ANAPC2: variants seen among roughly 807,000 people sequenced by gnomAD.
ANAPC2 encodes anaphase-promoting complex subunit 2.
In ANAPC2, 29 loss-of-function variants were observed where a neutral mutation model predicts 84.3. That is an observed-to-expected ratio of 0.34 (90% CI 0.26 to 0.47). ANAPC2 has a LOEUF of 0.47. Ranked by LOEUF, ANAPC2 falls within the 20% of genes least tolerant of loss-of-function variation. The probability of loss-of-function intolerance (pLI) is 1.00; values close to 1 mark genes in which losing one functional copy is unlikely to be tolerated. For missense variants in ANAPC2, 857 were observed against 1,131.7 expected (o/e 0.76, Z 3.48); for synonymous variants, 571 against 479.4 (o/e 1.19, Z -2.50).
chr9:137,183,344 C>T (rs1834383505), intron 5 of ANAPC2, 102 bp from the exon 6 acceptor site: 2 of 993,404 alleles, frequency 2.0e-6, no homozygotes, highest in East Asian at 2.4e-5. Flanking sequence ...AGGTGGTCTA[C>T]AGGTCCCCAC....
intron 10 of ANAPC2, among the ~76,000 whole-genome samples, chr9:137,178,109 G>A (rs916428444): frequency 7.2e-5 from 11 of 152,232 alleles, no homozygotes; most frequent in Non-Finnish European, 1.2e-4. Flanking sequence ...TCCAGGATCC[G>A]GCAGCTTCTA....
rs1216704691 is a variant in ANAPC2, at chr9:137,183,720, G to A, written c.1120C>T (p.Leu374=). Residue 374 remains leucine (L), a synonymous_variant, in exon 5 of 13, where the codon CTG becomes TTG. Transcript: ENST00000323927. ...CLERTDQRQQ[L]LVSLKAALET... is the part of the protein sequence containing the mutation. ...AGGGCAGCCTTGAGGGACACGAGCAGCTGCTGCCTCTGGTCCGTCCTCTCC... is the reference window on the plus strand; with the variant it reads ...AGGGCAGCCTTGAGGGACACGAGCAACTGCTGCCTCTGGTCCGTCCTCTCC... The A allele has an allele frequency of 4.3e-6, 7 of 1,612,888 alleles. No homozygotes were observed. Among genetic ancestry groups the A allele is most frequent in the Non-Finnish European group, 5.9e-6 (7 of 1,179,920 alleles).
At chr9:137,176,137 A>G (rs972881431) in intron 10 of ANAPC2, 2 of 291,518 alleles carry the variant, frequency 6.9e-6, no homozygotes, top group Non-Finnish European at 1.3e-5. Flanking sequence ...GATGTAACTG[A>G]GGTGCATCCT....
Position 137,187,843 on chromosome 9 carries a change from C to G in ANAPC2, c.378G>C (p.Leu126=), listed in dbSNP as rs1190309276. ...GLLESRLDPY[L]RSLELLEKWT... ...ATTTCTCCAGCAGCTCTAGGCTACG[C>G]AGGTAGGGATCCAGGCGGCTCTCCA... The change falls in exon 2 of 13, where the codon CTG becomes CTC. Residue 126 remains leucine (L), a synonymous_variant. Coordinates refer to ENST00000323927, the MANE Select transcript of ANAPC2 (RefSeq NM_013366.4). The G allele has an allele frequency of 2.5e-6, 4 of 1,613,498 alleles. No homozygotes were observed. Among genetic ancestry groups the G allele is most frequent in the Non-Finnish European group, 2.5e-6 (3 of 1,180,056 alleles).
rs753734414 is a variant in ANAPC2 at position 137,183,809 on chromosome 9, T to A, written c.1049-18A>T. On this transcript the variant is annotated intron_variant, in intron 4 of 12. Transcript: ENST00000323927. ...TGGGAAGTCTACAAGAAGAAGAACA[T>A]CCCTCAGGGACAGACATGGATGCGT... The A allele has an allele frequency of 3.3e-5, 53 of 1,612,152 alleles. No individual in the cohort carries two copies. The highest frequency in any genetic ancestry group is 2.5e-5 in the Non-Finnish European group (29 of 1,179,344).
chr9:137,184,732 G>C (rs531530369), intron 4 of ANAPC2, among the ~76,000 whole-genome samples, 181 bp downstream of exon 4: 10 of 147,304 alleles, frequency 6.8e-5, no homozygotes, highest in African/African-American at 1.0e-4. Context: ...CGCAGACACA[G>C]GGAGCCCAGA....
At chr9:137,183,353 A>C in intron 5 of ANAPC2, 111 bp from the exon 6 acceptor site, 4 of 936,108 alleles carry the variant, frequency 4.3e-6, no homozygotes, top group Non-Finnish European at 6.8e-6. Flanking sequence ...ACAGGTCCCC[A>C]CTGCAGCCTC....
intron 6 of ANAPC2, among the ~76,000 whole-genome samples, chr9:137,182,305 G>A (rs1834360993): frequency 6.6e-6 from 1 of 152,208 alleles, no homozygotes; most frequent in Non-Finnish European, 1.5e-5. Flanking sequence ...GAGGTCAGGA[G>A]ATCAAGACTA....
chr9:137,187,168 G>T, intron 2 of ANAPC2: 1 of 365,560 alleles, frequency 2.7e-6, no homozygotes, highest in Admixed American at 4.2e-5. Flanking sequence ...TCCTCCCCAG[G>T]ATCGACAAAA....
intron 10 of ANAPC2, chr9:137,176,118 G>T (rs1834205141): frequency 2.7e-6 from 1 of 369,880 alleles, no homozygotes; most frequent in East Asian, 5.4e-5. Context: ...TGCAAACAGG[G>T]TTGATGCAGA....
intron 10 of ANAPC2, among the ~76,000 whole-genome samples, chr9:137,177,527 T>C (rs1409444743): frequency 6.6e-6 from 1 of 152,206 alleles, no homozygotes; most frequent in East Asian, 1.9e-4. Flanking sequence ...AAGATGCATT[T>C]ACAGGCTGAG....
chr9:137,188,447 G>A lies in ANAPC2; in HGVS notation c.86C>T (p.Thr29Ile). The A allele has an allele frequency of 6.2e-7, 1 of 1,609,774 alleles. No homozygotes were observed. Among genetic ancestry groups the A allele is most frequent in the Non-Finnish European group, 8.5e-7 (1 of 1,179,498 alleles). ...CAGCGCAGCCGGCGGCACCAGGCCG[G>A]TGCTCACGGTGTTCCAGGCCACTAA... Reference protein sequence around the residue: ...ELLVAWNTVSTGLVPPAALGL... With the variant: ...ELLVAWNTVSIGLVPPAALGL... Residue 29 changes from threonine to isoleucine, a missense_variant, in exon 1 of 13, where the codon ACC (threonine) becomes ATC (isoleucine). Around this residue, in one of 3 missense-constraint regions of ANAPC2, gnomAD observed 428 missense variants for 513.8 expected, o/e 0.83. Transcript: ENST00000323927.
In ANAPC2 at chr9:137,188,197, T is replaced by A; in HGVS notation, c.118-94A>T. 8 of 1,478,672 alleles carry A rather than the reference T, an allele frequency of 5.4e-6. No individual in the cohort carries two copies. The South Asian group carries it at 1.0e-4, about 19-fold the overall frequency. 91.6% of individuals were successfully genotyped at this position (1,478,672 alleles called of 1,614,324 possible). ...AAGCTGAGGGGGAGGCTGCAAAAACTCCGCTGCCCCCTGTCCGTGCTGCCC... is the reference window on the plus strand; with the variant it reads ...AAGCTGAGGGGGAGGCTGCAAAAACACCGCTGCCCCCTGTCCGTGCTGCCC... On this transcript the variant is annotated intron_variant, in intron 1 of 12. Transcript: ENST00000323927.
Position 137,181,795 on chromosome 9 carries a change from G to A in ANAPC2, c.1354C>T (p.Leu452=). The part of the protein sequence containing the change: ...LTGDSDGTGD[L]AVELSKTDPA... ...TCGGTCTTGGACAGCTCAACAGCCA[G>A]GTCCCCTGTCCCGTCCGAGTCCCCC... Residue 452 remains leucine, a synonymous_variant, in exon 7 of 13, where the codon CTG becomes TTG. Transcript: ENST00000323927. The A allele has an allele frequency of 2.5e-6, 4 of 1,610,224 alleles. No homozygotes were observed. In the South Asian group the frequency reaches 4.4e-5, roughly 18 times the overall value.
At chr9:137,182,205 A>AAAAAAG (rs916581322) in intron 6 of ANAPC2, among the ~76,000 whole-genome samples, 3 of 152,076 alleles carry the variant, frequency 2.0e-5, no homozygotes, top group East Asian at 1.9e-4. Flanking sequence ...CCTGCCTCAA[A>AAAAAAG]AAAAAGAAAA....
At chr9:137,175,550 CG>C in intron 11 of ANAPC2, 78 bp from the exon 12 acceptor site, 7 of 1,481,914 alleles carry the variant, frequency 4.7e-6, no homozygotes, top group South Asian at 4.0e-5. Context: ...GCCGAGAGGT[CG>C]GGGGGCTCCC....
Position 137,175,335 on chromosome 9 carries a change from GCTC to G in ANAPC2, c.2155_2157del (p.Glu719del), listed in dbSNP as rs746283285. On this transcript the variant is annotated inframe_deletion, in exon 12 of 13. Transcript: ENST00000323927. The stretch of plus-strand genomic sequence containing the variant: ...ACCATGTTGTCCCGGTCCTGAGGCC[GCTC>G]CTCCTCAATGACAGAGAAGGTGCCG... 6.2e-6 allele frequency: 10 copies of G among 1,612,410 alleles called. No individual in the cohort carries two copies. Among genetic ancestry groups the G allele is most frequent in the Admixed American group, 5.0e-5 (3 of 59,988 alleles).
chr9:137,187,608 T>C lies in ANAPC2; in HGVS notation c.613A>G (p.Ser205Gly). 1 of 1,614,056 alleles carries C rather than the reference T, an allele frequency of 6.2e-7. No homozygotes were observed. The highest frequency in any genetic ancestry group is 8.5e-7 in the Non-Finnish European group (1 of 1,180,034). ...TAGTACCGGCGACGGGCATACCGGCTGTCCAGCTCCCCTTCCAGTTCCGGG... is the reference window on the plus strand; with the variant it reads ...TAGTACCGGCGACGGGCATACCGGCCGTCCAGCTCCCCTTCCAGTTCCGGG... ...TDPELEGELD[S>G]RYARRRYYRL... The change falls in exon 2 of 13, where the codon AGC becomes GGC. Residue 205 changes from serine (S) to glycine (G), a missense_variant. This residue lies in a region of ANAPC2 where 428 missense variants were observed against 513.8 expected (regional missense o/e 0.83). Coordinates refer to ENST00000323927, the MANE Select transcript of ANAPC2 (RefSeq NM_013366.4).
At chr9:137,180,671 G>T in intron 8 of ANAPC2, 117 bp downstream of exon 8, 2 of 1,560,768 alleles carry the variant, frequency 1.3e-6, no homozygotes, top group Non-Finnish European at 1.7e-6. Flanking sequence ...AGCCAGGAGT[G>T]GGGGCGGAAG....
Sources: gnomAD v4.1 joint callset for allele counts (sites outside exome capture counted in the v4.1 genomes callset) on GRCh38, gnomAD v4.1.1 for gene constraint, gnomAD v4.1.1 regional missense constraint, MANE v1.5 for transcripts, NCBI Gene and HGNC (gene_info 2026-07-23, HGNC 2026-07-21) for gene names.